The following MED13L variants were observed in gnomAD, a reference collection of about 807,000 sequenced individuals.
The protein encoded by MED13L is mediator of RNA polymerase II transcription subunit 13-like.
MED13L carries 7 observed loss-of-function variants against 220.9 expected under a neutral mutation model. That is an observed-to-expected ratio of 0.03 (90% confidence interval 0.02 to 0.06). The LOEUF is 0.06. MED13L is among the 10% of genes least tolerant of loss of function. The probability of loss-of-function intolerance (pLI) is 1.00; values close to 1 mark genes in which losing one functional copy is unlikely to be tolerated. For missense variants in MED13L, 1,965 were observed against 2,760.5 expected (o/e 0.71, Z 6.46); for synonymous variants, 1,011 against 1,015.2 (o/e 1.00, Z 0.08).
intron 15 of MED13L, 38 bp from the exon 16 acceptor site, chr12:115,996,719 A>C: frequency 6.5e-7 from 1 of 1,532,616 alleles, no homozygotes; most frequent in African/African-American, 1.4e-5. Context: ...AATATTGGTA[A>C]ACTCTGTAGA....
At chr12:116,243,399 G>A (rs563771249) in intron 1 of MED13L, among the ~76,000 whole-genome samples, 32 of 152,066 alleles carry the variant, frequency 2.1e-4, no homozygotes, top group Non-Finnish European at 1.8e-4. Context: ...AGGCATAAAT[G>A]GGTTAAGTGG....
chr12:116,268,310 G>A (rs1006062506), intron 1 of MED13L, among the ~76,000 whole-genome samples: 1 of 152,174 alleles, frequency 6.6e-6, no homozygotes, highest in Non-Finnish European at 1.5e-5. Context: ...GTTCCAGTTA[G>A]ATATATGTAT....
chr12:116,194,615 T>C (rs1361510437), intron 2 of MED13L, among the ~76,000 whole-genome samples: 1 of 152,184 alleles, frequency 6.6e-6, no homozygotes, highest in Non-Finnish European at 1.5e-5. Flanking sequence ...CAATGCTAAA[T>C]AAACTTTGGC....
intron 4 of MED13L, among the ~76,000 whole-genome samples, chr12:116,055,252 T>A (rs1868851506): frequency 2.0e-5 from 3 of 152,214 alleles, no homozygotes. Context: ...GTATACACCT[T>A]ATAAAAGTTG....
At chr12:116,040,616 C>T (rs1881465918) in intron 4 of MED13L, among the ~76,000 whole-genome samples, 1 of 152,078 alleles carries the variant, frequency 6.6e-6, no homozygotes. Context: ...CACTGAATGA[C>T]TCAGACGGAC....
At chr12:116,182,234 A>C (rs1479368571) in intron 2 of MED13L, among the ~76,000 whole-genome samples, 2 of 152,178 alleles carry the variant, frequency 1.3e-5, no homozygotes, top group African/African-American at 2.4e-5. Context: ...AAACCCATTC[A>C]AACTGGTCTT....
chr12:115,962,978 G>A (rs964255608), intron 30 of MED13L, among the ~76,000 whole-genome samples: 4 of 152,142 alleles, frequency 2.6e-5, no homozygotes, highest in Admixed American at 6.5e-5. Context: ...CTGAGATCAC[G>A]CCTCTGCACT....
At chr12:116,276,181 A>C (rs964569235) in intron 1 of MED13L, among the ~76,000 whole-genome samples, 14 of 152,190 alleles carry the variant, frequency 9.2e-5, no homozygotes, top group Admixed American at 2.6e-4. Flanking sequence ...TTGACACCCT[A>C]ACTGCTTCAA....
At chr12:116,184,101 A>C (rs1423279332) in intron 2 of MED13L, among the ~76,000 whole-genome samples, 1 of 152,204 alleles carries the variant, frequency 6.6e-6, no homozygotes, top group African/African-American at 2.4e-5. Context: ...AACTGATTTT[A>C]AACAAACATG....
chr12:116,196,870 T>TA (rs1355460012), intron 2 of MED13L, among the ~76,000 whole-genome samples: 11 of 152,200 alleles, frequency 7.2e-5, no homozygotes, highest in African/African-American at 2.4e-4. Context: ...AAAAGTGCAT[T>TA]AATTTTAGCA....
At position 116,012,716 on chromosome 12, in the gene MED13L, C is replaced by G. The variant is rs1386837495; in HGVS notation, c.1280+81G>C. On this transcript the variant is annotated intron_variant, in intron 9 of 30. Coordinates refer to ENST00000281928, the MANE Select transcript of MED13L (RefSeq NM_015335.5). ...GAGGAGAATGGAGAATCAGGAAGAA[C>G]TGATCTGTGAGGCCAGGAGATGAAT... 4.0e-6 allele frequency: 4 copies of G among 1,012,482 alleles called. No individual in the cohort carries two copies. The African/African-American group carries it at 6.3e-5, about 16-fold the overall frequency. 62.7% of individuals were successfully genotyped at this position (1,012,482 alleles called of 1,614,324 possible). A position where few individuals can be genotyped will look rare whatever the true frequency, so the allele number is the denominator to read the frequency against.
intron 4 of MED13L, among the ~76,000 whole-genome samples, chr12:116,025,111 A>G (rs565926439): frequency 2.0e-5 from 3 of 152,308 alleles, no homozygotes; most frequent in Admixed American, 6.5e-5. Flanking sequence ...GCAAATGGCC[A>G]ACAGGTATAT....
At chr12:116,099,654 G>A (rs1486147174) in intron 3 of MED13L, among the ~76,000 whole-genome samples, 1 of 152,174 alleles carries the variant, frequency 6.6e-6, no homozygotes, top group Non-Finnish European at 1.5e-5. Flanking sequence ...ATGTCTGAAA[G>A]TTTATTTGTT....
At chr12:116,269,655 A>AAAAACAAAAC (rs1029132361) in intron 1 of MED13L, among the ~76,000 whole-genome samples, 1 of 152,164 alleles carries the variant, frequency 6.6e-6, no homozygotes, top group Admixed American at 6.5e-5. Flanking sequence ...AGACTGTCTC[A>AAAAACAAAAC]AAAACAAAAC....
chr12:116,003,054 C>T lies in MED13L; in HGVS notation c.2518G>A (p.Glu840Lys). The T allele has an allele frequency of 6.2e-7, 1 of 1,614,156 alleles. No individual in the cohort carries two copies. The highest frequency in any genetic ancestry group is 8.5e-7 in the Non-Finnish European group (1 of 1,179,980). ...RSSKMPAVGT[E>K]DRPLGKDGRA... Reference sequence around the variant, plus strand: ...CCATCCTTCCCAAGAGGTCGGTCTTCTGTCCCAACTGCAGGCATTTTTGAT... The same window carrying T: ...CCATCCTTCCCAAGAGGTCGGTCTTTTGTCCCAACTGCAGGCATTTTTGAT... The change falls in exon 14 of 31, where the codon GAA becomes AAA. Residue 840 changes from glutamate (E) to lysine (K), a missense_variant. This residue lies in a region of MED13L where 818 missense variants were observed against 1,041.2 expected (regional missense o/e 0.79). Transcript: ENST00000281928.
intron 4 of MED13L, among the ~76,000 whole-genome samples, chr12:116,027,639 G>C (rs1880482112): frequency 6.6e-6 from 1 of 152,148 alleles, no homozygotes; most frequent in South Asian, 2.1e-4. Flanking sequence ...AACCAGAGGA[G>C]TGCTCTAGAG....
chr12:116,253,197 G>T (rs1173258768), intron 1 of MED13L, among the ~76,000 whole-genome samples: 1 of 150,844 alleles, frequency 6.6e-6, no homozygotes, highest in African/African-American at 2.5e-5. Flanking sequence ...GGGTGGGGGA[G>T]GGGGGCGGAG....
At chr12:116,139,445 C>A (rs1333456215) in intron 2 of MED13L, among the ~76,000 whole-genome samples, 1 of 152,106 alleles carries the variant, frequency 6.6e-6, no homozygotes, top group Non-Finnish European at 1.5e-5. Flanking sequence ...TATTATAAAT[C>A]CGCCAAGTGA....
Position 116,125,330 on chromosome 12 carries a change from G to GTTATGTACATACAACAAACAAATTT in MED13L, c.311-13843_311-13819dup, listed in dbSNP as rs1468566317. The stretch of plus-strand genomic sequence containing the variant: ...ATCAATCAATCAATCAATGCAAACG[G>GTTATGTACATACAACAAACAAATTT]TTATGTACATACAACAAACAAATTT... On this transcript the variant is annotated intron_variant, in intron 2 of 30. Coordinates refer to ENST00000281928, the MANE Select transcript of MED13L (RefSeq NM_015335.5). 3.9e-5 allele frequency among the ~76,000 whole-genome samples: 6 copies of GTTATGTACATACAACAAACAAATTT among 152,186 alleles called. No homozygotes were observed. In the East Asian group the frequency reaches 1.2e-3, roughly 29 times the overall value.
Sources: gnomAD v4.1 joint callset for allele counts (sites outside exome capture counted in the v4.1 genomes callset) on GRCh38, gnomAD v4.1.1 for gene constraint, gnomAD v4.1.1 regional missense constraint, MANE v1.5 for transcripts, NCBI Gene and HGNC (gene_info 2026-07-23, HGNC 2026-07-21) for gene names.